The following EYA2 variants were observed in gnomAD, a reference collection of about 807,000 sequenced individuals.
The protein encoded by EYA2 is protein phosphatase EYA2.
Under a neutral mutation model 69.2 loss-of-function variants are expected in EYA2, and 31 were observed. That is an observed-to-expected ratio of 0.45 (90% CI 0.34 to 0.60). The LOEUF (loss-of-function observed/expected upper bound fraction) is 0.60. EYA2 is among the 20% of genes least tolerant of loss of function. EYA2 has a pLI of 0.02. For missense variants in EYA2, 622 were observed against 701.2 expected (o/e 0.89, Z 1.28); for synonymous variants, 257 against 279.4 (o/e 0.92, Z 0.80).
intron 11 of EYA2, among the ~76,000 whole-genome samples, chr20:47,170,310 C>T (rs570997561): frequency 2.0e-5 from 3 of 152,172 alleles, no homozygotes; most frequent in Admixed American, 6.5e-5. Flanking sequence ...AAAACACTCC[C>T]AGGACATGGC....
chr20:46,900,130 A>C (rs1027784059), intron 1 of EYA2, among the ~76,000 whole-genome samples: 1 of 152,178 alleles, frequency 6.6e-6, no homozygotes, highest in Admixed American at 6.5e-5. Context: ...ATTTTTTAAA[A>C]GTCTGTGTTC....
chr20:47,114,756 G>A (rs894400197), intron 9 of EYA2, among the ~76,000 whole-genome samples: 3 of 152,174 alleles, frequency 2.0e-5, no homozygotes, highest in Admixed American at 6.5e-5. Flanking sequence ...TGGGATCATG[G>A]GTGCGGATCC....
chr20:47,017,942 C>T (rs1983509842), intron 5 of EYA2, among the ~76,000 whole-genome samples: 2 of 152,208 alleles, frequency 1.3e-5, no homozygotes, highest in African/African-American at 4.8e-5. Flanking sequence ...CAAAGCCCAT[C>T]GCTGTAACCC....
At chr20:47,099,244 G>C (rs533290879) in intron 9 of EYA2, among the ~76,000 whole-genome samples, 3 of 152,216 alleles carry the variant, frequency 2.0e-5, no homozygotes, top group Non-Finnish European at 2.9e-5. Context: ...CTTCTGGCCT[G>C]TCCCCAAGAA....
At chr20:47,018,825 G>T (rs565550590) in intron 5 of EYA2, among the ~76,000 whole-genome samples, 1 of 152,204 alleles carries the variant, frequency 6.6e-6, no homozygotes, top group Non-Finnish European at 1.5e-5. Context: ...GCCTGAAACC[G>T]CAGAGCCAAT....
chr20:47,129,324 G>A (rs1335248613), intron 9 of EYA2, among the ~76,000 whole-genome samples: 1 of 152,196 alleles, frequency 6.6e-6, no homozygotes, highest in Non-Finnish European at 1.5e-5. Flanking sequence ...TGGAGTGAGT[G>A]GGGAGGAGTA....
chr20:46,916,959 A>G (rs1448484829), intron 1 of EYA2, among the ~76,000 whole-genome samples: 1 of 152,246 alleles, frequency 6.6e-6, no homozygotes, highest in East Asian at 1.9e-4. Context: ...ATAAATTAGT[A>G]GTATTTCTTA....
intron 9 of EYA2, among the ~76,000 whole-genome samples, chr20:47,120,733 G>A (rs775337413): frequency 3.3e-5 from 5 of 152,194 alleles, no homozygotes; most frequent in South Asian, 2.1e-4. Context: ...AGACAAGCCC[G>A]AGAATGATTC....
intron 1 of EYA2, among the ~76,000 whole-genome samples, chr20:46,910,746 C>T (rs1984604950): frequency 6.6e-6 from 1 of 152,194 alleles, no homozygotes; most frequent in Admixed American, 6.5e-5. Context: ...ACAGAGGTTG[C>T]ACACTGGCAA....
chr20:47,006,838 C>T (rs555936415), intron 4 of EYA2, among the ~76,000 whole-genome samples: 30 of 152,236 alleles, frequency 2.0e-4, no homozygotes, highest in Non-Finnish European at 3.5e-4. Flanking sequence ...CCACAGTCCT[C>T]ACCCAGCCCA....
At chr20:46,905,527 A>G (rs934717953) in intron 1 of EYA2, among the ~76,000 whole-genome samples, 4 of 152,216 alleles carry the variant, frequency 2.6e-5, no homozygotes, top group Admixed American at 1.3e-4. Flanking sequence ...ACATGGAAAA[A>G]GTAACGTAAG....
intron 12 of EYA2, among the ~76,000 whole-genome samples, chr20:47,177,477 G>GA (rs775954593): frequency 1.3e-5 from 2 of 152,230 alleles, no homozygotes; most frequent in South Asian, 2.1e-4. Context: ...AATTACAAGT[G>GA]AAAAAAATGG....
At chr20:47,185,570 G>A (rs1385841884) in intron 15 of EYA2, among the ~76,000 whole-genome samples, 1 of 152,062 alleles carries the variant, frequency 6.6e-6, no homozygotes. Flanking sequence ...CCAAAGTACT[G>A]GGATTAGAGG....
chr20:46,950,800 A>G (rs1228318060), intron 1 of EYA2, among the ~76,000 whole-genome samples: 2 of 152,180 alleles, frequency 1.3e-5, no homozygotes, highest in Non-Finnish European at 2.9e-5. Context: ...AGCTGACCTC[A>G]AGATCAGGGC....
intron 9 of EYA2, among the ~76,000 whole-genome samples, chr20:47,131,481 C>G (rs976394712): frequency 1.3e-5 from 2 of 152,068 alleles, no homozygotes; most frequent in Non-Finnish European, 2.9e-5. Context: ...CAAATGGCAC[C>G]CCAAAGACGT....
intron 10 of EYA2, among the ~76,000 whole-genome samples, chr20:47,146,037 A>G (rs1421720907): frequency 6.6e-6 from 1 of 152,130 alleles, no homozygotes; most frequent in Non-Finnish European, 1.5e-5. Flanking sequence ...GGGTGAGGTG[A>G]AGCCAAGAGG....
At chr20:47,012,654 C>G (rs2146364111) in intron 4 of EYA2, among the ~76,000 whole-genome samples, 1 of 152,222 alleles carries the variant, frequency 6.6e-6, no homozygotes, top group Non-Finnish European at 1.5e-5. Context: ...CCACCACACC[C>G]AGTTAATTTT....
chr20:47,117,616 T>C, intron 9 of EYA2: 1 of 985,416 alleles, frequency 1.0e-6, no homozygotes, highest in Non-Finnish European at 1.2e-6. Flanking sequence ...TTGGCCTGTC[T>C]GTTACTGCTT....
chr20:47,170,374 T>C (rs1298254469), intron 11 of EYA2, among the ~76,000 whole-genome samples: 2 of 151,346 alleles, frequency 1.3e-5, no homozygotes, highest in African/African-American at 4.8e-5. Flanking sequence ...AGGCCGGGTG[T>C]GGTGGCTCAC....
Sources: gnomAD v4.1 joint callset for allele counts (sites outside exome capture counted in the v4.1 genomes callset) on GRCh38, gnomAD v4.1.1 for gene constraint, MANE v1.5 for transcripts, NCBI Gene and HGNC (gene_info 2026-07-23, HGNC 2026-07-21) for gene names.